Variants in TRIM9 observed in about 807,000 individuals in gnomAD.
TRIM9 encodes tripartite motif containing 9.
TRIM9 carries 26 observed loss-of-function variants against 78.3 expected under a neutral mutation model. The observed-to-expected ratio is 0.33, with a 90% CI of 0.24 to 0.46. The LOEUF is 0.46. TRIM9 is among the 20% of genes least tolerant of loss of function. The pLI, the probability that TRIM9 is intolerant of heterozygous loss-of-function variation, is 1.00. For synonymous variants in TRIM9, 398 were observed against 416.5 expected (o/e 0.96, Z 0.54); for missense variants, 787 against 1,036.4 (o/e 0.76, Z 3.30).
chr14:50,993,331 A>T (rs1374620293), intron 7 of TRIM9, among the ~76,000 whole-genome samples: 1 of 151,512 alleles, frequency 6.6e-6, no homozygotes, highest in Non-Finnish European at 1.5e-5. Context: ...CCACTCCCAC[A>T]TCTTCTTAAA....
chr14:51,002,184 C>G (rs1182749675), intron 5 of TRIM9, among the ~76,000 whole-genome samples: 1 of 152,064 alleles, frequency 6.6e-6, no homozygotes, highest in East Asian at 1.9e-4. Flanking sequence ...TGCAGTGGCA[C>G]GATCTCGGCT....
At chr14:50,986,256 C>T in intron 7 of TRIM9, 112 bp from the exon 8 acceptor site, 1 of 939,688 alleles carries the variant, frequency 1.1e-6, no homozygotes, top group Non-Finnish European at 1.4e-6. Flanking sequence ...TCATCTTTCC[C>T]ACAGGGTGCC....
intron 1 of TRIM9, among the ~76,000 whole-genome samples, chr14:51,054,218 C>T (rs1319027709): frequency 1.3e-5 from 2 of 152,122 alleles, no homozygotes; most frequent in African/African-American, 2.4e-5. Flanking sequence ...TATTGCACCA[C>T]GCCCAACCAT....
rs577453843 is a variant in TRIM9, at chr14:50,977,299, T to C, written c.2380A>G (p.Ile794Val). The C allele has an allele frequency of 3.9e-6, 6 of 1,539,214 alleles. No individual in the cohort carries two copies. The highest frequency in any genetic ancestry group is 1.2e-5 in the South Asian group (1 of 80,720). ...VPDFYSSRAS[I>V]A is the part of the protein sequence containing the mutation. ...GCCTCCACGGCACATCCTTAGGCTA[T>C]TGATGCTCTGCTGGAGTAGAAGTCG... Residue 794 changes from isoleucine to valine, a missense_variant, in exon 13 of 13, where the codon ATA (isoleucine) becomes GTA (valine). Around this residue, in one of 3 missense-constraint regions of TRIM9, gnomAD observed 421 missense variants for 514.3 expected, o/e 0.82. Coordinates refer to ENST00000684578, the MANE Select transcript of TRIM9 (RefSeq NM_001387360.1).
At chr14:51,011,478 C>G (rs1313520214) in intron 3 of TRIM9, among the ~76,000 whole-genome samples, 3 of 152,184 alleles carry the variant, frequency 2.0e-5, no homozygotes, top group Non-Finnish European at 2.9e-5. Context: ...CTGCAGCTAT[C>G]TTTGAATGGT....
chr14:50,991,878 G>T (rs375876823), intron 7 of TRIM9, among the ~76,000 whole-genome samples: 1 of 152,282 alleles, frequency 6.6e-6, no homozygotes, highest in South Asian at 2.1e-4. Context: ...ACTCAGGTAG[G>T]ATCAATTCCT....
rs2139704620 is a variant in TRIM9 at position 51,016,845 on chromosome 14, T to C, written c.1041+5990A>G. On this transcript the variant is annotated intron_variant, in intron 3 of 12. Coordinates refer to ENST00000684578, the MANE Select transcript of TRIM9 (RefSeq NM_001387360.1). ...TTCAGGAGAGACTTTTGTTTCCGAA[T>C]ATTTTCAATCCATTGTTGGTTGAAT... Among the ~76,000 whole-genome samples, 2 of 152,316 alleles carry C rather than the reference T, an allele frequency of 1.3e-5. 1 individual carries two copies. The highest frequency in any genetic ancestry group is 4.1e-4 in the South Asian group (2 of 4,822).
At position 51,049,835 on chromosome 14, in the gene TRIM9, AT is replaced by A. The variant is rs201955588; in HGVS notation, c.823-24476del. On this transcript the variant is annotated intron_variant, in intron 1 of 12. Transcript: ENST00000684578. ...GCGAGACTCTGTCTCAAAAAAAAAA[AT>A]AAAATAAAATAAAAATAAAAAGATT... Among the ~76,000 whole-genome samples the A allele has an allele frequency of 6.0e-3, 903 of 151,682 alleles. 9 individuals carry two copies. Among genetic ancestry groups the A allele is most frequent in the South Asian group, 0.021 (100 of 4,810 alleles).
intron 10 of TRIM9, 129 bp downstream of exon 10, chr14:50,982,813 C>A (rs949154002): frequency 2.3e-6 from 2 of 863,080 alleles, no homozygotes; most frequent in Middle Eastern, 2.3e-4. Flanking sequence ...ATTGTTACGC[C>A]CCAAGTTCTA....
At chr14:50,993,745 T>C (rs1414291630) in intron 7 of TRIM9, among the ~76,000 whole-genome samples, 1 of 152,160 alleles carries the variant, frequency 6.6e-6, no homozygotes, top group African/African-American at 2.4e-5. Context: ...TTGGATAGTT[T>C]TCCCTCTCTT....
intron 1 of TRIM9, among the ~76,000 whole-genome samples, chr14:51,031,937 A>G (rs942357680): frequency 1.3e-5 from 2 of 152,170 alleles, no homozygotes; most frequent in South Asian, 4.1e-4. Context: ...ACCTGACTCT[A>G]TGAGCTGTGT....
At chr14:51,082,610 G>C (rs2063402600) in intron 1 of TRIM9, among the ~76,000 whole-genome samples, 1 of 152,164 alleles carries the variant, frequency 6.6e-6, no homozygotes, top group South Asian at 2.1e-4. Flanking sequence ...CAGGAGTTGT[G>C]GGGTTTTAGT....
At chr14:51,059,410 CT>C (rs1172831723) in intron 1 of TRIM9, among the ~76,000 whole-genome samples, 2 of 151,994 alleles carry the variant, frequency 1.3e-5, no homozygotes, top group African/African-American at 4.8e-5. Flanking sequence ...TCAACATTTA[CT>C]TTTTTTTGTA....
chr14:51,028,953 G>A (rs2058490654), intron 1 of TRIM9, among the ~76,000 whole-genome samples: 2 of 152,122 alleles, frequency 1.3e-5, no homozygotes, highest in African/African-American at 4.8e-5. Flanking sequence ...CTCCCCAGGA[G>A]GGAGAGATCA....
chr14:51,074,802 T>C (rs1397271793), intron 1 of TRIM9, among the ~76,000 whole-genome samples: 2 of 152,210 alleles, frequency 1.3e-5, no homozygotes, highest in African/African-American at 4.8e-5. Context: ...GCTTTTCTAC[T>C]TCCCTCTTAC....
At chr14:51,038,288 C>G (rs1453156827) in intron 1 of TRIM9, among the ~76,000 whole-genome samples, 1 of 152,108 alleles carries the variant, frequency 6.6e-6, no homozygotes, top group Non-Finnish European at 1.5e-5. Context: ...TTTAGAGCAT[C>G]CGGAAAGGAA....
chr14:51,026,796 T>C (rs1389302367), intron 1 of TRIM9, among the ~76,000 whole-genome samples: 2 of 152,160 alleles, frequency 1.3e-5, no homozygotes, highest in South Asian at 2.1e-4. Flanking sequence ...CCCCTATAAG[T>C]GTGACCTTGA....
intron 1 of TRIM9, among the ~76,000 whole-genome samples, chr14:51,088,230 A>G (rs2063950064): frequency 6.6e-6 from 1 of 152,240 alleles, no homozygotes; most frequent in African/African-American, 2.4e-5. Flanking sequence ...TTATTCACTA[A>G]TAACTACCTG....
At chr14:50,979,066 T>G (rs1418694397) in intron 12 of TRIM9, 3 of 1,326,740 alleles carry the variant, frequency 2.3e-6, no homozygotes, top group Non-Finnish European at 2.9e-6. Flanking sequence ...TTTGTTTTCA[T>G]GCCAGTTGGT....
Sources: allele counts gnomAD v4.1 joint callset (sites outside exome capture counted in the v4.1 genomes callset), GRCh38; gene constraint gnomAD v4.1.1; regional missense constraint gnomAD v4.1.1; transcripts MANE v1.5; gene names NCBI Gene and HGNC (gene_info 2026-07-23, HGNC 2026-07-21).